BTG4: variants seen among roughly 807,000 people sequenced by gnomAD.
The protein encoded by BTG4 is protein BTG4.
Under a neutral mutation model 19.3 loss-of-function variants are expected in BTG4, and 10 were observed. The observed-to-expected ratio is 0.52, with a 90% CI of 0.32 to 0.88. The LOEUF is 0.88. Among genes scored for constraint, BTG4 ranks in the 40% least tolerant of loss-of-function variants. BTG4 has a pLI of 0.04. For missense variants in BTG4, 238 were observed against 281.9 expected (o/e 0.84, Z 1.11); for synonymous variants, 91 against 95.7 (o/e 0.95, Z 0.29).
chr11:111,422,279 A>G, the BTG4 span, among the ~76,000 whole-genome samples: 3 of 152,118 alleles, frequency 2.0e-5, no homozygotes, highest in Non-Finnish European at 4.4e-5. Flanking sequence ...AGGCACAAAA[A>G]TTGATCATAG....
At chr11:111,500,751 T>C (rs149068895) in intron 1 of BTG4, among the ~76,000 whole-genome samples, 94 of 152,176 alleles carry the variant, frequency 6.2e-4, no homozygotes, top group African/African-American at 2.1e-3. Context: ...GGACTGTTGC[T>C]TCCCTCCCTC....
At chr11:111,477,946 C>T (rs1267914914) in intron 5 of BTG4, among the ~76,000 whole-genome samples, 3 of 152,168 alleles carry the variant, frequency 2.0e-5, no homozygotes, top group Non-Finnish European at 4.4e-5. Context: ...TCATCCCAGC[C>T]TCCTGCTAGG....
rs117775542 is a variant in BTG4, at chr11:111,511,668, A to C, written c.-27+513T>G. Among the ~76,000 whole-genome samples the C allele has an allele frequency of 9.8e-5, 15 of 152,342 alleles. No homozygotes were observed. The East Asian group carries it at 2.9e-3, about 29-fold the overall frequency. On this transcript the variant is annotated intron_variant, in intron 1 of 4. Coordinates refer to ENST00000692032, the MANE Select transcript of BTG4 (RefSeq NM_001367975.1). The stretch of plus-strand genomic sequence containing the variant: ...TCATTAAAGGCAAAGGAGGGGAAGG[A>C]AAGTTATTAGCAGAGATCTCCCAGA...
chr11:111,452,964 A>G, the BTG4 span, among the ~76,000 whole-genome samples: 1 of 152,130 alleles, frequency 6.6e-6, no homozygotes, highest in South Asian at 2.1e-4. Flanking sequence ...AGGAACAGAG[A>G]TGAGAAGGGG....
the BTG4 span, among the ~76,000 whole-genome samples, chr11:111,386,823 C>A: frequency 1.7e-4 from 26 of 152,170 alleles, no homozygotes; most frequent in African/African-American, 6.3e-4. Flanking sequence ...ATATTCTTTA[C>A]ATAGTGAGCC....
At chr11:111,468,663 A>T (rs1843967271) in intron 5 of BTG4, among the ~76,000 whole-genome samples, 1 of 152,236 alleles carries the variant, frequency 6.6e-6, no homozygotes, top group Admixed American at 6.5e-5. Flanking sequence ...AAGAGAGGCG[A>T]TTTGAAAACT....
intron 5 of BTG4, among the ~76,000 whole-genome samples, chr11:111,485,174 C>T (rs986883578): frequency 2.6e-5 from 4 of 152,066 alleles, no homozygotes; most frequent in Admixed American, 2.0e-4. Flanking sequence ...AATTTCAACA[C>T]GCCACTTTCA....
At chr11:111,403,334 C>G in the BTG4 span, among the ~76,000 whole-genome samples, 1 of 152,214 alleles carries the variant, frequency 6.6e-6, no homozygotes, top group East Asian at 1.9e-4. Flanking sequence ...TTCCTCCGGG[C>G]ACTGCGTTAG....
chr11:111,394,416 A>G, the BTG4 span, among the ~76,000 whole-genome samples: 1 of 152,356 alleles, frequency 6.6e-6, no homozygotes, highest in East Asian at 1.9e-4. Context: ...AAGTCTCACA[A>G]GATCTGACGG....
At chr11:111,441,266 T>A in the BTG4 span, among the ~76,000 whole-genome samples, 1 of 152,052 alleles carries the variant, frequency 6.6e-6, no homozygotes, top group Non-Finnish European at 1.5e-5. Context: ...CATAATGTAA[T>A]ATCTCAGGGC....
the BTG4 span, chr11:111,455,499 C>T: frequency 8.5e-6 from 2 of 236,112 alleles, no homozygotes; most frequent in African/African-American, 4.5e-5. Flanking sequence ...CCAAAACCTC[C>T]TCGGGAGGCA....
At chr11:111,458,102 G>T in the BTG4 span, 1 of 152,754 alleles carries the variant, frequency 6.5e-6, no homozygotes, top group Admixed American at 6.5e-5. Context: ...AACTCTGGAG[G>T]CTGCCATTAA....
chr11:111,406,228 T>C, the BTG4 span, among the ~76,000 whole-genome samples: 1 of 152,238 alleles, frequency 6.6e-6, no homozygotes, highest in Non-Finnish European at 1.5e-5. Context: ...CATTCTCCCA[T>C]GTCAGCCTCT....
At position 111,494,833 on chromosome 11, in the gene BTG4, T is replaced by C. The variant is rs1217835219; in HGVS notation, c.*302A>G. ...TAAGAAGTATTAAAAACACTGTACG[T>C]TTATTTAAACCATTACTTTTCATAA... is the stretch of plus-strand genomic sequence containing the variant. On this transcript the variant is annotated 3_prime_UTR_variant, in exon 5 of 5. Coordinates refer to ENST00000692032, the MANE Select transcript of BTG4 (RefSeq NM_001367975.1). 1 of 947,190 alleles carries C rather than the reference T, an allele frequency of 1.1e-6. No homozygotes were observed. Among genetic ancestry groups the C allele is most frequent in the Non-Finnish European group, 1.3e-6 (1 of 795,112 alleles). 58.7% of individuals were successfully genotyped at this position (947,190 alleles called of 1,614,324 possible).
At chr11:111,457,562 C>T in the BTG4 span, among the ~76,000 whole-genome samples, 5,493 of 152,130 alleles carry the variant, frequency 0.036, 304 homozygotes, top group African/African-American at 0.12. Flanking sequence ...AGCCTCTTAC[C>T]CCCAACCTTC....
the BTG4 span, among the ~76,000 whole-genome samples, chr11:111,420,819 C>A: frequency 1.3e-5 from 2 of 152,198 alleles, no homozygotes; most frequent in African/African-American, 4.8e-5. Context: ...AGGCCTTACC[C>A]TCATGAAGCT....
downstream of BTG4, among the ~76,000 whole-genome samples, chr11:111,466,260 A>C (rs1297151251): frequency 1.3e-5 from 2 of 152,168 alleles, no homozygotes; most frequent in African/African-American, 4.8e-5. Flanking sequence ...CTTTGCTACC[A>C]ATCCATTCTT....
chr11:111,501,044 G>A (rs562252007), intron 1 of BTG4, among the ~76,000 whole-genome samples: 23 of 151,870 alleles, frequency 1.5e-4, no homozygotes, highest in African/African-American at 5.6e-4. Flanking sequence ...TCATAAGGTT[G>A]TAATTAAGAT....
Position 111,497,996 on chromosome 11 carries a change from A to T in BTG4, c.311+2T>A. 6.2e-7 allele frequency: 1 copy of T among 1,613,480 alleles called. No homozygotes were observed. Among genetic ancestry groups the T allele is most frequent in the Non-Finnish European group, 8.5e-7 (1 of 1,179,632 alleles). ...CAGCACACAAACTATGAGATTACTC[A>T]CCTACAGCATACTTCAAAGGGATCT... is the stretch of plus-strand genomic sequence containing the variant. On this transcript the variant is annotated splice_donor_variant, in intron 3 of 4. Transcript: ENST00000692032. LOFTEE classifies it high-confidence loss of function.
Sources: gnomAD v4.1 joint callset for allele counts (sites outside exome capture counted in the v4.1 genomes callset) on GRCh38, gnomAD v4.1.1 for gene constraint, MANE v1.5 for transcripts, NCBI Gene and HGNC (gene_info 2026-07-23, HGNC 2026-07-21) for gene names.